Variants in IL23R observed in about 807,000 individuals in gnomAD.
IL23R encodes interleukin-23 receptor.
IL23R carries 34 observed loss-of-function variants against 56.9 expected under a neutral mutation model. The observed-to-expected ratio is 0.60, with a 90% CI of 0.45 to 0.80. IL23R has a LOEUF of 0.80. Ranked by LOEUF, IL23R falls within the 30% of genes least tolerant of loss-of-function variation. IL23R has a pLI of 0.00. For synonymous variants in IL23R, 230 were observed against 249.2 expected, an observed-to-expected ratio of 0.92 and a Z score of 0.73; for missense variants, 635 against 730.0, an observed-to-expected ratio of 0.87 and a Z score of 1.50.
At chr1:67,228,053 C>CT (rs1284634700) in intron 7 of IL23R, among the ~76,000 whole-genome samples, 3 of 103,210 alleles carry the variant, frequency 2.9e-5, no homozygotes, top group Admixed American at 2.5e-4. Flanking sequence ...CTCTTTCTTT[C>CT]TTTCTTTCTC....
intron 1 of IL23R, among the ~76,000 whole-genome samples, chr1:67,144,856 A>G (rs766336608): frequency 9.9e-5 from 15 of 152,098 alleles, no homozygotes; most frequent in Non-Finnish European, 1.8e-4. Context: ...CTGGATTAAT[A>G]TTTCTCACTC....
intron 7 of IL23R, among the ~76,000 whole-genome samples, chr1:67,234,150 A>G (rs974071749): frequency 2.6e-5 from 4 of 152,198 alleles, no homozygotes; most frequent in Non-Finnish European, 4.4e-5. Context: ...AAAGATGTTA[A>G]GTATAATTTA....
intron 8 of IL23R, among the ~76,000 whole-genome samples, chr1:67,239,794 C>A (rs1651735973): frequency 6.6e-6 from 1 of 152,006 alleles, no homozygotes; most frequent in Non-Finnish European, 1.5e-5. Context: ...TAAAAAAAAT[C>A]AGTATGATTG....
intron 4 of IL23R, among the ~76,000 whole-genome samples, chr1:67,199,599 A>G (rs1310657181): frequency 1.3e-5 from 2 of 152,176 alleles, no homozygotes; most frequent in Non-Finnish European, 2.9e-5. Flanking sequence ...GAAGAGAAAA[A>G]TAACTGTTAT....
At chr1:67,258,195 C>T (rs1229742484) in intron 10 of IL23R, among the ~76,000 whole-genome samples, 1 of 152,068 alleles carries the variant, frequency 6.6e-6, no homozygotes, top group Non-Finnish European at 1.5e-5. Flanking sequence ...ATATAAGACT[C>T]AACTTTTCTC....
At chr1:67,258,006 A>G (rs1295967007) in intron 10 of IL23R, among the ~76,000 whole-genome samples, 1 of 151,960 alleles carries the variant, frequency 6.6e-6, no homozygotes, top group African/African-American at 2.4e-5. Flanking sequence ...GAACCTCGGC[A>G]TCAAGCATTT....
chr1:67,198,565 C>T (rs536987128), intron 4 of IL23R, among the ~76,000 whole-genome samples: 3 of 152,212 alleles, frequency 2.0e-5, no homozygotes, highest in African/African-American at 7.2e-5. Context: ...GATCTTTCCT[C>T]TTTATCTTTT....
chr1:67,171,923 A>C (rs547747283), intron 3 of IL23R, among the ~76,000 whole-genome samples: 2 of 152,364 alleles, frequency 1.3e-5, no homozygotes, highest in South Asian at 4.1e-4. Flanking sequence ...GTAGAAGGTA[A>C]GAGAATGGAC....
intron 6 of IL23R, among the ~76,000 whole-genome samples, chr1:67,216,403 T>C (rs1327576204): frequency 6.6e-6 from 1 of 152,208 alleles, no homozygotes; most frequent in East Asian, 1.9e-4. Context: ...ATCTCAGCTA[T>C]GTGTTCAAGT....
In IL23R at chr1:67,255,921, G is replaced by A. The variant is rs544186603; in HGVS notation, c.1233G>A (p.Met411Ile). The change falls in exon 10 of 11, where the codon ATG becomes ATA. Residue 411 changes from methionine to isoleucine, a missense_variant. Met to Ile is a conservative substitution (Grantham distance 10). Coordinates refer to ENST00000347310, the MANE Select transcript of IL23R (RefSeq NM_144701.3). ...TGAAAAACAGCAATGTTGTGAAAAT[G>A]CTACAGGTAACCTAACATCATCCAA... ...PNMKNSNVVK[M>I]LQENSELMNN... The A allele has an allele frequency of 9.4e-6, 15 of 1,590,104 alleles. No individual in the cohort carries two copies. The highest frequency in any genetic ancestry group is 2.7e-5 in the African/African-American group (2 of 74,384).
At chr1:67,173,565 C>G (rs1449966071) in intron 3 of IL23R, among the ~76,000 whole-genome samples, 1 of 152,064 alleles carries the variant, frequency 6.6e-6, no homozygotes, top group Non-Finnish European at 1.5e-5. Flanking sequence ...TTTATTTTAC[C>G]CTACTTGGAG....
chr1:67,214,774 T>C (rs904331692), intron 6 of IL23R, among the ~76,000 whole-genome samples: 1 of 152,214 alleles, frequency 6.6e-6, no homozygotes, highest in Non-Finnish European at 1.5e-5. Context: ...TCATATTGTT[T>C]TATATTTTTT....
chr1:67,151,774 T>C (rs772874633), intron 1 of IL23R, among the ~76,000 whole-genome samples: 10 of 152,224 alleles, frequency 6.6e-5, no homozygotes, highest in Non-Finnish European at 1.2e-4. Flanking sequence ...TATGTGGTGT[T>C]GTTTCTGAGG....
intron 10 of IL23R, among the ~76,000 whole-genome samples, chr1:67,257,895 G>A (rs1411553784): frequency 2.0e-5 from 3 of 152,002 alleles, no homozygotes; most frequent in Non-Finnish European, 4.4e-5. Context: ...GTAGAGACAG[G>A]GTTTCACCAT....
chr1:67,138,857 G>A (rs1461419192), upstream of IL23R: 1 of 152,350 alleles, frequency 6.6e-6, no homozygotes, highest in Non-Finnish European at 1.5e-5. Flanking sequence ...AGGCCAATGA[G>A]ATCACAACAC....
downstream of IL23R, among the ~76,000 whole-genome samples, chr1:67,261,189 C>T (rs1653191814): frequency 6.6e-6 from 1 of 151,524 alleles, no homozygotes; most frequent in South Asian, 2.1e-4. Context: ...GTCCATTGTC[C>T]TATTGTTAAT....
intron 7 of IL23R, among the ~76,000 whole-genome samples, chr1:67,224,330 T>C (rs1650481308): frequency 6.6e-6 from 1 of 152,274 alleles, no homozygotes; most frequent in South Asian, 2.1e-4. Flanking sequence ...AATGAGGTTT[T>C]TTGGCCAGCC....
intron 3 of IL23R, among the ~76,000 whole-genome samples, chr1:67,181,341 C>T (rs974664317): frequency 3.9e-5 from 6 of 152,102 alleles, no homozygotes; most frequent in South Asian, 2.1e-4. Flanking sequence ...TCTTTTTATT[C>T]TTTTTCCTCT....
intron 1 of IL23R, among the ~76,000 whole-genome samples, chr1:67,160,197 A>G (rs1363824090): frequency 1.3e-5 from 2 of 152,106 alleles, no homozygotes; most frequent in African/African-American, 4.8e-5. Context: ...TTCCTGCATT[A>G]TTTTCAGCAC....
Sources: gnomAD v4.1 joint callset for allele counts (sites outside exome capture counted in the v4.1 genomes callset) on GRCh38, gnomAD v4.1.1 for gene constraint, MANE v1.5 for transcripts, NCBI Gene and HGNC (gene_info 2026-07-23, HGNC 2026-07-21) for gene names.